GRAMD1B: variants seen among roughly 807,000 people sequenced by gnomAD.
GRAMD1B encodes protein Aster-B.
Under a neutral mutation model 99.7 loss-of-function variants are expected in GRAMD1B, and 37 were observed. That is an observed-to-expected ratio of 0.37 (90% CI 0.29 to 0.49). The LOEUF (loss-of-function observed/expected upper bound fraction) is 0.49, where lower values mean the gene tolerates loss of function less well. GRAMD1B is among the 20% of genes least tolerant of loss of function. GRAMD1B has a pLI of 0.98. For missense variants in GRAMD1B, 888 were observed against 1,009.2 expected (o/e 0.88, Z 1.63); for synonymous variants, 427 against 387.6 (o/e 1.10, Z -1.19).
At chr11:123,588,733 G>T (rs894083641) in intron 4 of GRAMD1B, among the ~76,000 whole-genome samples, 17 of 152,294 alleles carry the variant, frequency 1.1e-4, no homozygotes, top group African/African-American at 3.9e-4. Context: ...TAGAATCAGG[G>T]ATCTTCGTGT....
chr11:123,369,275 T>C (rs1425891967), intron 1 of GRAMD1B, among the ~76,000 whole-genome samples: 1 of 152,094 alleles, frequency 6.6e-6, no homozygotes. Context: ...CACTCCAGCC[T>C]AGGTGACAGA....
chr11:123,592,399 C>T (rs558876087), intron 4 of GRAMD1B, among the ~76,000 whole-genome samples: 3 of 152,176 alleles, frequency 2.0e-5, no homozygotes, highest in Admixed American at 6.5e-5. Context: ...TTCTCTGTTT[C>T]TCAATTTCCT....
At chr11:123,488,160 A>G (rs1485663676) in intron 2 of GRAMD1B, among the ~76,000 whole-genome samples, 1 of 152,130 alleles carries the variant, frequency 6.6e-6, no homozygotes, top group African/African-American at 2.4e-5. Flanking sequence ...TAGGGGCACT[A>G]ATTACATTCA....
chr11:123,473,402 T>C (rs1951110103), intron 1 of GRAMD1B, among the ~76,000 whole-genome samples: 2 of 152,176 alleles, frequency 1.3e-5, no homozygotes, highest in African/African-American at 4.8e-5. Flanking sequence ...TAGCTAGGAC[T>C]ACAGGCACAC....
chr11:123,445,619 C>T (rs2134307781), intron 1 of GRAMD1B, among the ~76,000 whole-genome samples: 1 of 152,074 alleles, frequency 6.6e-6, no homozygotes, highest in South Asian at 2.1e-4. Context: ...AGTTTGAGAC[C>T]AGCCTGGCCA....
intron 10 of GRAMD1B, among the ~76,000 whole-genome samples, chr11:123,605,962 C>T (rs564383743): frequency 6.6e-6 from 1 of 152,280 alleles, no homozygotes; most frequent in South Asian, 2.1e-4. Flanking sequence ...GAACCTCTGT[C>T]CTGTGGGACT....
chr11:123,540,228 G>A (rs2135689358), intron 2 of GRAMD1B, among the ~76,000 whole-genome samples: 1 of 150,336 alleles, frequency 6.7e-6, no homozygotes, highest in East Asian at 1.9e-4. Flanking sequence ...ACCATACTCA[G>A]GTTTTTTGGT....
chr11:123,468,732 G>C (rs892280824), intron 1 of GRAMD1B, among the ~76,000 whole-genome samples: 11 of 150,812 alleles, frequency 7.3e-5, no homozygotes, highest in African/African-American at 2.7e-4. Flanking sequence ...GGGAGGCAGA[G>C]GTTGCAGTGA....
chr11:123,497,867 C>T (rs548210751), intron 2 of GRAMD1B, among the ~76,000 whole-genome samples: 1 of 150,064 alleles, frequency 6.7e-6, no homozygotes, highest in Non-Finnish European at 1.5e-5. Flanking sequence ...CGCCACCACT[C>T]CCCAGCCTGG....
intron 2 of GRAMD1B, among the ~76,000 whole-genome samples, chr11:123,560,020 G>A (rs1946541117): frequency 6.6e-6 from 1 of 151,690 alleles, no homozygotes; most frequent in Non-Finnish European, 1.5e-5. Flanking sequence ...AGTCTCCGGG[G>A]AACATGGTCT....
intron 3 of GRAMD1B, among the ~76,000 whole-genome samples, chr11:123,583,322 G>T (rs1030366574): frequency 6.7e-6 from 1 of 150,240 alleles, no homozygotes; most frequent in African/African-American, 2.5e-5. Flanking sequence ...ACGTGTGGAT[G>T]TGTGTGCATG....
At chr11:123,405,747 G>C (rs1006206551) in intron 1 of GRAMD1B, among the ~76,000 whole-genome samples, 5 of 152,198 alleles carry the variant, frequency 3.3e-5, no homozygotes, top group African/African-American at 1.2e-4. Context: ...TACAAGGGGA[G>C]AGGGCATAGT....
At chr11:123,433,674 ACGTGCG>A (rs746514382) in intron 1 of GRAMD1B, among the ~76,000 whole-genome samples, 7 of 98,424 alleles carry the variant, frequency 7.1e-5, no homozygotes, top group East Asian at 8.4e-4. Flanking sequence ...TTAAAATGTT[ACGTGCG>A]TGTGTGTGTG....
intron 2 of GRAMD1B, among the ~76,000 whole-genome samples, chr11:123,512,591 C>T (rs1310272573): frequency 2.0e-5 from 3 of 151,964 alleles, no homozygotes; most frequent in African/African-American, 4.8e-5. Flanking sequence ...GTGGCATGCA[C>T]CTGTAGTCCC....
At chr11:123,470,476 T>C (rs1423028332) in intron 1 of GRAMD1B, among the ~76,000 whole-genome samples, 2 of 151,230 alleles carry the variant, frequency 1.3e-5, no homozygotes, top group African/African-American at 4.9e-5. Context: ...TGAGCAACCA[T>C]GCCCAGCCAA....
intron 8 of GRAMD1B, among the ~76,000 whole-genome samples, chr11:123,601,928 A>C (rs978731919): frequency 6.6e-6 from 1 of 152,232 alleles, no homozygotes; most frequent in Non-Finnish European, 1.5e-5. Context: ...GGCCAAGCCA[A>C]GCCAGGTGGC....
intron 2 of GRAMD1B, among the ~76,000 whole-genome samples, chr11:123,571,491 G>A (rs1276811515): frequency 6.6e-6 from 1 of 152,204 alleles, no homozygotes; most frequent in Non-Finnish European, 1.5e-5. Context: ...ACCATAGGTA[G>A]CATGAGATAC....
At chr11:123,383,023 G>C (rs1350987304) in intron 1 of GRAMD1B, among the ~76,000 whole-genome samples, 1 of 152,190 alleles carries the variant, frequency 6.6e-6, no homozygotes, top group East Asian at 1.9e-4. Context: ...CTGGGTCACA[G>C]AGCAAGATGG....
chr11:123,375,909 G>T (rs902532152), intron 1 of GRAMD1B, among the ~76,000 whole-genome samples: 1 of 152,112 alleles, frequency 6.6e-6, no homozygotes, highest in Non-Finnish European at 1.5e-5. Context: ...AGTTGTTTCT[G>T]GGGGAAGAAC....
Sources: allele counts gnomAD v4.1 joint callset (sites outside exome capture counted in the v4.1 genomes callset), GRCh38; gene constraint gnomAD v4.1.1; transcripts MANE v1.5; gene names NCBI Gene and HGNC (gene_info 2026-07-23, HGNC 2026-07-21).